Variants in PSMA8 observed in about 807,000 individuals in gnomAD.
The protein encoded by PSMA8 is proteasome 20S subunit alpha 8, also known as proteasome subunit alpha-type 8.
PSMA8 carries 18 observed loss-of-function variants against 32.4 expected under a neutral mutation model. That is an observed-to-expected ratio of 0.56 (90% CI 0.38 to 0.82). The LOEUF is 0.82. PSMA8 is among the 40% of genes least tolerant of loss of function. The pLI is 0.00. For missense variants in PSMA8, 298 were observed against 300.7 expected (o/e 0.99, Z 0.07); for synonymous variants, 104 against 98.1 (o/e 1.06, Z -0.36).
intron 4 of PSMA8, among the ~76,000 whole-genome samples, chr18:26,173,898 T>C (rs373737686): frequency 2.6e-5 from 4 of 152,090 alleles, no homozygotes; most frequent in East Asian, 1.9e-4. Context: ...GTGCTTAGAA[T>C]TGAACCTTAT....
rs1490933754 is a variant in PSMA8, at chr18:26,150,542, G to A, written c.230-1316G>A. Among the ~76,000 whole-genome samples the A allele has an allele frequency of 5.9e-5, 9 of 152,104 alleles. 1 individual carries two copies. Among genetic ancestry groups the A allele is most frequent in the South Asian group, 4.1e-4 (2 of 4,822 alleles). ...TTTGTAGAAACCGGGGTCTCTCTGC[G>A]TTGCTCAGGCTAGTCGCAAACACCT... On this transcript the variant is annotated intron_variant, in intron 2 of 6. Coordinates refer to ENST00000415576, the MANE Select transcript of PSMA8 (RefSeq NM_001025096.2).
At chr18:26,135,448 G>GT (rs1209760913) in intron 1 of PSMA8, among the ~76,000 whole-genome samples, 2 of 151,806 alleles carry the variant, frequency 1.3e-5, no homozygotes, top group African/African-American at 4.8e-5. Flanking sequence ...TCTAACAGAT[G>GT]TAAGTGGTAA....
At chr18:26,155,058 A>G (rs2055077435) in intron 3 of PSMA8, among the ~76,000 whole-genome samples, 1 of 152,054 alleles carries the variant, frequency 6.6e-6, no homozygotes, top group South Asian at 2.1e-4. Flanking sequence ...AAAATGGTGA[A>G]ACCTCATCTC....
intron 6 of PSMA8, among the ~76,000 whole-genome samples, chr18:26,183,253 G>C (rs545206088): frequency 6.7e-6 from 1 of 149,878 alleles, no homozygotes; most frequent in Non-Finnish European, 1.5e-5. Flanking sequence ...TTAGCTGGGC[G>C]TGGTGGTGGG....
Position 26,144,664 on chromosome 18 carries a change from C to T in PSMA8, c.208C>T (p.His70Tyr), listed in dbSNP as rs552367990. The T allele has an allele frequency of 1.9e-6, 3 of 1,613,642 alleles. No individual in the cohort carries two copies. Among genetic ancestry groups the T allele is most frequent in the Non-Finnish European group, 2.5e-6 (3 of 1,179,850 alleles). ...TVRKICALDDHVCMAFAGLTA... is the reference protein window; with the variant it reads ...TVRKICALDDYVCMAFAGLTA... The stretch of plus-strand genomic sequence containing the variant: ...GAGGAAAATTTGTGCCCTTGATGAC[C>T]ATGTCTGCATGGCTTTTGCAGGTAC... Residue 70 changes from histidine to tyrosine, a missense_variant, in exon 2 of 7, where the codon CAT becomes TAT. Physicochemically the swap from His to Tyr is moderately conservative, Grantham distance 83. Coordinates refer to ENST00000415576, the MANE Select transcript of PSMA8 (RefSeq NM_001025096.2).
chr18:26,137,028 T>C (rs1475131268), intron 1 of PSMA8, among the ~76,000 whole-genome samples: 1 of 152,354 alleles, frequency 6.6e-6, no homozygotes, highest in East Asian at 1.9e-4. Flanking sequence ...CCTTGCATTG[T>C]AGCATGAAAT....
At position 26,163,213 on chromosome 18, in the gene PSMA8, G is replaced by GTATGTATA. The variant is rs1555662071; in HGVS notation, c.477+4972_477+4973insGTATATAT. ...AGGTGGTGTGTGTTTATGTGTGTGTGTATATATATATATATATATATATAT... is the reference window on the plus strand; with the variant it reads ...AGGTGGTGTGTGTTTATGTGTGTGTGTATGTATATATATATATATATATATATATATAT... On this transcript the variant is annotated intron_variant, in intron 4 of 6. Transcript: ENST00000415576. 8.4e-4 allele frequency among the ~76,000 whole-genome samples: 68 copies of GTATGTATA among 80,898 alleles called. 6 individuals are homozygous for GTATGTATA. The highest frequency in any genetic ancestry group is 3.3e-3 in the African/African-American group (64 of 19,382). The allele number at this position is 80,898 out of a possible 152,430, so 53.1% of individuals were successfully genotyped here.
rs2055219233 is a variant in PSMA8 at position 26,171,349 on chromosome 18, C to T, written c.478-7481C>T. Reference sequence around the variant, plus strand: ...GCAGAACGCGCGGTCAAGTTTGGCGCGAAATTGTCGGTATTTTGTTATGAC... The same window carrying T: ...GCAGAACGCGCGGTCAAGTTTGGCGTGAAATTGTCGGTATTTTGTTATGAC... On this transcript the variant is annotated intron_variant, in intron 4 of 6. Transcript: ENST00000415576. The T allele has an allele frequency of 1.6e-5, 23 of 1,463,062 alleles. 1 individual carries two copies. The highest frequency in any genetic ancestry group is 1.9e-4 in the Middle Eastern group (1 of 5,392). The allele number at this position is 1,463,062 out of a possible 1,614,324, so 90.6% of individuals were successfully genotyped here. A position where few individuals can be genotyped will look rare whatever the true frequency, so the allele number is the denominator to read the frequency against.
At chr18:26,156,247 C>T (rs1021596048) in intron 3 of PSMA8, among the ~76,000 whole-genome samples, 1 of 152,152 alleles carries the variant, frequency 6.6e-6, no homozygotes, top group Non-Finnish European at 1.5e-5. Context: ...ATGGAGGTTC[C>T]TCAGAAAACT....
chr18:26,138,468 A>G (rs1258448215), intron 1 of PSMA8, among the ~76,000 whole-genome samples: 1 of 152,202 alleles, frequency 6.6e-6, no homozygotes, highest in African/African-American at 2.4e-5. Flanking sequence ...CAAAGAGTAC[A>G]TATTAAAGTC....
intron 1 of PSMA8, among the ~76,000 whole-genome samples, chr18:26,141,175 C>T (rs2054952974): frequency 6.6e-6 from 1 of 151,174 alleles, no homozygotes; most frequent in Non-Finnish European, 1.5e-5. Context: ...CTTATTTTTC[C>T]CCTTAAGCTT....
At chr18:26,189,392 A>G (rs772272938) in intron 6 of PSMA8, among the ~76,000 whole-genome samples, 1 of 151,932 alleles carries the variant, frequency 6.6e-6, no homozygotes, top group Non-Finnish European at 1.5e-5. Context: ...AATTAGCCTG[A>G]TGTGGTGGTG....
At chr18:26,179,216 G>T in intron 6 of PSMA8, 86 bp downstream of exon 6, 2 of 913,110 alleles carry the variant, frequency 2.2e-6, no homozygotes, top group Non-Finnish European at 1.7e-6. Flanking sequence ...CTAGGCTTCC[G>T]ATATAATGTT....
chr18:26,186,582 T>C (rs1475905511), intron 6 of PSMA8, among the ~76,000 whole-genome samples: 2 of 152,210 alleles, frequency 1.3e-5, no homozygotes, highest in Admixed American at 6.5e-5. Context: ...TCTAAGTTAC[T>C]AAGAAGTAAA....
intron 4 of PSMA8, among the ~76,000 whole-genome samples, chr18:26,164,445 C>T (rs1412580726): frequency 6.6e-6 from 1 of 152,194 alleles, no homozygotes; most frequent in Non-Finnish European, 1.5e-5. Context: ...CACCATCAAA[C>T]TTAGCATCTC....
chr18:26,192,375 A>T lies in PSMA8; in HGVS notation c.717A>T (p.Glu239Asp). ...TAACTGAAATAGAAAAGGAAAAGGA[A>T]GAAGCAGAGAAGAAAAAATCAAAGA... The part of the protein sequence containing the change: ...LYVTEIEKEK[E>D]EAEKKKSKKS... Residue 239 changes from glutamate (E) to aspartate (D), a missense_variant, in exon 7 of 7, where the codon GAA (glutamate) becomes GAT (aspartate). Transcript: ENST00000415576. 1 of 1,528,408 alleles carries T rather than the reference A, an allele frequency of 6.5e-7. No individual in the cohort carries two copies. Among genetic ancestry groups the T allele is most frequent in the South Asian group, 1.3e-5 (1 of 74,196 alleles). 94.7% of individuals were successfully genotyped at this position (1,528,408 alleles called of 1,614,324 possible).
intron 4 of PSMA8, among the ~76,000 whole-genome samples, chr18:26,173,514 C>A (rs768336669): frequency 6.6e-6 from 1 of 151,892 alleles, no homozygotes; most frequent in Non-Finnish European, 1.5e-5. Flanking sequence ...ATCTATCTCT[C>A]CCCCACTAAG....
At chr18:26,178,621 A>C (rs948318464) in intron 4 of PSMA8, among the ~76,000 whole-genome samples, 1 of 152,218 alleles carries the variant, frequency 6.6e-6, no homozygotes, top group Non-Finnish European at 1.5e-5. Context: ...CAAAAAAAGG[A>C]AAATAAAAAC....
At chr18:26,138,625 A>G (rs912399325) in intron 1 of PSMA8, among the ~76,000 whole-genome samples, 2 of 152,150 alleles carry the variant, frequency 1.3e-5, no homozygotes, top group African/African-American at 4.8e-5. Flanking sequence ...TTATTTTCCA[A>G]ATATTTCTCA....
Sources: allele counts gnomAD v4.1 joint callset (sites outside exome capture counted in the v4.1 genomes callset), GRCh38; gene constraint gnomAD v4.1.1; transcripts MANE v1.5; gene names NCBI Gene and HGNC (gene_info 2026-07-23, HGNC 2026-07-21).